TMEM132D: variants seen among roughly 807,000 people sequenced by gnomAD.
The protein encoded by TMEM132D is mature OL transmembrane protein.
Under a neutral mutation model 62.3 loss-of-function variants are expected in TMEM132D, and 21 were observed. That is an observed-to-expected ratio of 0.34 (90% CI 0.24 to 0.49). The LOEUF (loss-of-function observed/expected upper bound fraction) is 0.49, where lower values mean the gene tolerates loss of function less well. Among genes scored for constraint, TMEM132D ranks in the 20% least tolerant of loss-of-function variants. The pLI is 0.99. For missense variants in TMEM132D, 1,346 were observed against 1,402.8 expected (o/e 0.96, Z 0.65); for synonymous variants, 621 against 575.6 (o/e 1.08, Z -1.13).
chr12:129,775,417 C>T lies in TMEM132D; in HGVS notation c.80-74719G>A, dbSNP rs1870888839. Among the ~76,000 whole-genome samples, 5 of 152,256 alleles carry T rather than the reference C, an allele frequency of 3.3e-5. No individual in the cohort carries two copies. In the South Asian group the frequency reaches 1.0e-3, roughly 32 times the overall value. On this transcript the variant is annotated intron_variant, in intron 1 of 8. Coordinates refer to ENST00000422113, the MANE Select transcript of TMEM132D (RefSeq NM_133448.3). Reference sequence around the variant, plus strand: ...GTACCAGAACCAGGCATGGGAGAGCCACCAGCACTGTGCAGAGGCCCCTCT... The same window carrying T: ...GTACCAGAACCAGGCATGGGAGAGCTACCAGCACTGTGCAGAGGCCCCTCT...
chr12:129,619,871 T>C (rs573792350), intron 2 of TMEM132D, among the ~76,000 whole-genome samples: 2 of 152,338 alleles, frequency 1.3e-5, no homozygotes, highest in East Asian at 1.9e-4. Flanking sequence ...TGCAATTGAG[T>C]GTATTATCCT....
intron 3 of TMEM132D, among the ~76,000 whole-genome samples, chr12:129,391,283 G>A (rs1871283066): frequency 4.6e-5 from 7 of 152,154 alleles, no homozygotes; most frequent in Admixed American, 3.3e-4. Context: ...GTTTAAACTT[G>A]AGTGCATTAA....
chr12:129,151,436 C>T (rs1247930243), intron 5 of TMEM132D, among the ~76,000 whole-genome samples: 6 of 152,306 alleles, frequency 3.9e-5, no homozygotes, highest in Non-Finnish European at 7.3e-5. Flanking sequence ...GGGCTGGGAG[C>T]GGCTGACCCT....
At chr12:129,113,873 C>T (rs1467305734) in intron 5 of TMEM132D, among the ~76,000 whole-genome samples, 2 of 151,936 alleles carry the variant, frequency 1.3e-5, no homozygotes, top group Non-Finnish European at 2.9e-5. Flanking sequence ...CAGGGGCCCA[C>T]TTGCAGCAAG....
chr12:129,164,374 C>T (rs1275332539), intron 5 of TMEM132D, among the ~76,000 whole-genome samples: 1 of 152,224 alleles, frequency 6.6e-6, no homozygotes, highest in Non-Finnish European at 1.5e-5. Context: ...ACCATAATGG[C>T]TGCAATTAAA....
chr12:129,870,258 C>T (rs560857793), intron 1 of TMEM132D, among the ~76,000 whole-genome samples: 29 of 152,276 alleles, frequency 1.9e-4, no homozygotes, highest in African/African-American at 7.0e-4. Context: ...GCTGAGATTA[C>T]AGGCATGAGC....
intron 2 of TMEM132D, among the ~76,000 whole-genome samples, chr12:129,696,487 C>T (rs1270633780): frequency 6.6e-6 from 1 of 152,212 alleles, no homozygotes; most frequent in Non-Finnish European, 1.5e-5. Flanking sequence ...GTTCTAGGCC[C>T]CCCGGCTGAC....
At chr12:129,234,359 G>C (rs1280542426) in intron 4 of TMEM132D, among the ~76,000 whole-genome samples, 2 of 152,174 alleles carry the variant, frequency 1.3e-5, no homozygotes, top group African/African-American at 2.4e-5. Context: ...TGACGTGCAA[G>C]TAAAGGATTC....
At chr12:129,248,828 A>G (rs780270056) in intron 4 of TMEM132D, among the ~76,000 whole-genome samples, 12 of 152,182 alleles carry the variant, frequency 7.9e-5, no homozygotes, top group Non-Finnish European at 1.2e-4. Flanking sequence ...CTTTGCTATA[A>G]GGATAACGGC....
intron 2 of TMEM132D, among the ~76,000 whole-genome samples, chr12:129,538,699 C>T (rs1876482424): frequency 6.6e-6 from 1 of 152,230 alleles, no homozygotes; most frequent in African/African-American, 2.4e-5. Context: ...TCTCAAAATA[C>T]CTTCTTGCAC....
At chr12:129,624,172 G>A (rs1461511053) in intron 2 of TMEM132D, among the ~76,000 whole-genome samples, 1 of 152,164 alleles carries the variant, frequency 6.6e-6, no homozygotes, top group Non-Finnish European at 1.5e-5. Flanking sequence ...ATCTACCTTA[G>A]CTAATTATCA....
In TMEM132D at chr12:129,084,492, C is replaced by T. The variant is rs768097547; in HGVS notation, c.1649+5G>A. ...CCTGCCATGGAGTTTCAGGGACATA[C>T]CCACCTCCTGCTGGAGACGATGGGC... is the stretch of plus-strand genomic sequence containing the variant. On this transcript the variant is annotated splice_donor_5th_base_variant and intron_variant, in intron 6 of 8. Transcript: ENST00000422113. 5.0e-6 allele frequency: 8 copies of T among 1,585,244 alleles called. No homozygotes were observed. Among genetic ancestry groups the T allele is most frequent in the African/African-American group, 1.3e-5 (1 of 74,444 alleles).
chr12:129,516,628 C>T (rs1202329812), intron 3 of TMEM132D, among the ~76,000 whole-genome samples: 2 of 152,160 alleles, frequency 1.3e-5, no homozygotes, highest in Admixed American at 1.3e-4. Context: ...GGGTCCTTCC[C>T]ACAACATGTG....
chr12:129,699,287 A>AT, intron 2 of TMEM132D, among the ~76,000 whole-genome samples: 1 of 152,212 alleles, frequency 6.6e-6, no homozygotes, highest in East Asian at 1.9e-4. Context: ...ATGCTCATTT[A>AT]TTTTTTTGAA....
intron 1 of TMEM132D, among the ~76,000 whole-genome samples, chr12:129,703,396 G>A (rs1053832638): frequency 1.4e-4 from 22 of 151,736 alleles, no homozygotes; most frequent in African/African-American, 5.1e-4. Flanking sequence ...CATTTTGCCT[G>A]GTATCTGACC....
intron 2 of TMEM132D, among the ~76,000 whole-genome samples, chr12:129,686,132 T>C (rs984147116): frequency 2.6e-5 from 4 of 152,120 alleles, no homozygotes; most frequent in Admixed American, 6.6e-5. Context: ...GGGGACACCG[T>C]TGGGAAGGCA....
chr12:129,576,603 T>TAC (rs140376991), intron 2 of TMEM132D, among the ~76,000 whole-genome samples: 53,684 of 149,734 alleles, frequency 0.36, 9,895 homozygotes, highest in East Asian at 0.42. Flanking sequence ...ATACATATTA[T>TAC]ACACACACAC....
At chr12:129,633,771 T>C (rs987731069) in intron 2 of TMEM132D, among the ~76,000 whole-genome samples, 8 of 152,102 alleles carry the variant, frequency 5.3e-5, no homozygotes, top group Non-Finnish European at 8.8e-5. Flanking sequence ...TGGTTCATGT[T>C]CTCATTGCCA....
rs937422813 is a variant in TMEM132D, at chr12:129,174,207, G to A, written c.1443+35313C>T. On this transcript the variant is annotated intron_variant, in intron 5 of 8. Coordinates refer to ENST00000422113, the MANE Select transcript of TMEM132D (RefSeq NM_133448.3). ...GGTGGTCTGCTGCACTTATTAACCC[G>A]TCCTCTAAGTTCACTCCCCTTGCCC... is the stretch of plus-strand genomic sequence containing the variant. Among the ~76,000 whole-genome samples the A allele has an allele frequency of 5.3e-5, 8 of 152,100 alleles. No individual in the cohort carries two copies. The East Asian group carries it at 9.7e-4, about 18-fold the overall frequency.
Sources: gnomAD v4.1 joint callset for allele counts (sites outside exome capture counted in the v4.1 genomes callset) on GRCh38, gnomAD v4.1.1 for gene constraint, MANE v1.5 for transcripts, NCBI Gene and HGNC (gene_info 2026-07-23, HGNC 2026-07-21) for gene names.